SPMIP2: variants seen among roughly 807,000 people sequenced by gnomAD.
SPMIP2 encodes the protein sperm microtubule inner protein 2.
the SPMIP2 span, among the ~76,000 whole-genome samples, chr4:158,982,821 G>C: frequency 2.3e-4 from 35 of 152,234 alleles, no homozygotes; most frequent in East Asian, 6.6e-3. Context: ...GAATGACTTT[G>C]ACAAGTTGAG....
At chr4:158,954,079 GT>G in the SPMIP2 span, among the ~76,000 whole-genome samples, 1 of 152,154 alleles carries the variant, frequency 6.6e-6, no homozygotes. Flanking sequence ...GGCATGATTG[GT>G]TTTGAAATGT....
chr4:158,935,963 A>G, the SPMIP2 span, among the ~76,000 whole-genome samples: 1 of 152,234 alleles, frequency 6.6e-6, no homozygotes, highest in African/African-American at 2.4e-5. Flanking sequence ...AGTAGCATCC[A>G]TGTCAGCCAT....
At chr4:158,950,767 G>C in the SPMIP2 span, among the ~76,000 whole-genome samples, 1 of 152,074 alleles carries the variant, frequency 6.6e-6, no homozygotes, top group African/African-American at 2.4e-5. Flanking sequence ...GTGGTGGCAG[G>C]TGTCTGTAAT....
At chr4:158,979,631 T>C in the SPMIP2 span, among the ~76,000 whole-genome samples, 24 of 151,966 alleles carry the variant, frequency 1.6e-4, no homozygotes, top group Non-Finnish European at 2.6e-4. Flanking sequence ...GACTGTGCCA[T>C]GAGGAACAGT....
At chr4:158,994,020 C>T in the SPMIP2 span, among the ~76,000 whole-genome samples, 2 of 152,180 alleles carry the variant, frequency 1.3e-5, no homozygotes, top group Non-Finnish European at 2.9e-5. Flanking sequence ...TAAATGCTTC[C>T]TTCTATGGAG....
the SPMIP2 span, among the ~76,000 whole-genome samples, chr4:159,059,861 C>T: frequency 6.6e-6 from 1 of 152,198 alleles, no homozygotes; most frequent in African/African-American, 2.4e-5. Flanking sequence ...TGTGGATGCT[C>T]AGGGGACTGT....
chr4:159,023,821 T>G, the SPMIP2 span, among the ~76,000 whole-genome samples: 8 of 152,340 alleles, frequency 5.3e-5, no homozygotes, highest in African/African-American at 1.9e-4. Context: ...CTCAAATTCC[T>G]GGCTCTGCCC....
the SPMIP2 span, among the ~76,000 whole-genome samples, chr4:159,001,323 T>C: frequency 6.6e-6 from 1 of 152,192 alleles, no homozygotes; most frequent in Non-Finnish European, 1.5e-5. Flanking sequence ...CATTTCTTAA[T>C]TGCCTCGTCT....
the SPMIP2 span, chr4:158,915,289 C>T: frequency 1.2e-6 from 2 of 1,613,584 alleles, no homozygotes; most frequent in Admixed American, 3.3e-5. Flanking sequence ...TCCTCGAAAG[C>T]ACTCATATGC....
the SPMIP2 span, chr4:159,007,453 T>C: frequency 1.5e-6 from 1 of 681,638 alleles, no homozygotes; most frequent in Non-Finnish European, 2.7e-6. Flanking sequence ...CAGGAGTCTG[T>C]AGTCTCAAAG....
chr4:158,983,077 T>C, the SPMIP2 span, among the ~76,000 whole-genome samples: 1 of 151,920 alleles, frequency 6.6e-6, no homozygotes, highest in Non-Finnish European at 1.5e-5. Flanking sequence ...GAAGATGAAA[T>C]GAATGAAATG....
the SPMIP2 span, among the ~76,000 whole-genome samples, chr4:159,038,130 A>AT: frequency 1.3e-5 from 2 of 152,060 alleles, no homozygotes; most frequent in African/African-American, 4.8e-5. Context: ...TACATCTTAT[A>AT]TTTTTTGCAG....
chr4:158,998,775 G>T, the SPMIP2 span, among the ~76,000 whole-genome samples: 2 of 152,172 alleles, frequency 1.3e-5, no homozygotes, highest in African/African-American at 2.4e-5. Context: ...TCTGAGTAAT[G>T]ATGGTAATTA....
chr4:158,945,546 GAAC>G, the SPMIP2 span, among the ~76,000 whole-genome samples: 1 of 152,144 alleles, frequency 6.6e-6, no homozygotes, highest in Non-Finnish European at 1.5e-5. Context: ...GACAAATACT[GAAC>G]AACTACTCTC....
the SPMIP2 span, among the ~76,000 whole-genome samples, chr4:158,938,558 G>A: frequency 6.6e-6 from 1 of 152,122 alleles, no homozygotes; most frequent in Non-Finnish European, 1.5e-5. Context: ...ACACTTACTC[G>A]CTAATTTGCC....
the SPMIP2 span, among the ~76,000 whole-genome samples, chr4:158,956,366 C>T: frequency 6.6e-6 from 1 of 152,228 alleles, no homozygotes; most frequent in Non-Finnish European, 1.5e-5. Context: ...AGTTTGAGAC[C>T]AGCCTGGCCA....
chr4:158,988,025 T>C, the SPMIP2 span, among the ~76,000 whole-genome samples: 1 of 151,686 alleles, frequency 6.6e-6, no homozygotes, highest in African/African-American at 2.4e-5. Context: ...GGAGAGAATA[T>C]TCAAATAGAT....
chr4:158,942,731 T>G, the SPMIP2 span, among the ~76,000 whole-genome samples: 12 of 152,102 alleles, frequency 7.9e-5, no homozygotes, highest in Admixed American at 2.6e-4. Context: ...GAGCCAAGAT[T>G]GCACCACTGC....
chr4:158,909,929 C>T, the SPMIP2 span, among the ~76,000 whole-genome samples: 1 of 152,232 alleles, frequency 6.6e-6, no homozygotes, highest in Non-Finnish European at 1.5e-5. Context: ...GTAGTCCCAG[C>T]TACTCAGGAG....
Sources: gnomAD v4.1 joint callset for allele counts (sites outside exome capture counted in the v4.1 genomes callset) on GRCh38, gnomAD v4.1.1 for gene constraint, MANE v1.5 for transcripts, NCBI Gene and HGNC (gene_info 2026-07-23, HGNC 2026-07-21) for gene names.